The following DENND1A variants were observed in gnomAD, a reference collection of about 807,000 sequenced individuals.
DENND1A encodes the protein DENN domain containing 1A, also known as DENN domain-containing protein 1A.
Under a neutral mutation model 113.7 loss-of-function variants are expected in DENND1A, and 51 were observed. The observed-to-expected ratio is 0.45, with a 90% CI of 0.36 to 0.57. The LOEUF (loss-of-function observed/expected upper bound fraction) is 0.57, where lower values mean the gene tolerates loss of function less well. Ranked by LOEUF, DENND1A falls within the 20% of genes least tolerant of loss-of-function variation. The pLI is 0.00. For missense variants in DENND1A, 1,258 were observed against 1,395.9 expected (o/e 0.90, Z 1.57); for synonymous variants, 565 against 570.8 (o/e 0.99, Z 0.14).
chr9:123,658,179 G>T (rs1026154387), intron 8 of DENND1A, among the ~76,000 whole-genome samples: 1 of 151,532 alleles, frequency 6.6e-6, no homozygotes, highest in Non-Finnish European at 1.5e-5. Flanking sequence ...TGCTTTCCTC[G>T]CATCATTAAC....
intron 1 of DENND1A, among the ~76,000 whole-genome samples, chr9:123,883,818 A>G (rs1156812580): frequency 6.6e-6 from 1 of 151,376 alleles, no homozygotes; most frequent in African/African-American, 2.4e-5. Flanking sequence ...CAGTTCAAAC[A>G]GCTGGTAGAG....
intron 2 of DENND1A, among the ~76,000 whole-genome samples, chr9:123,794,527 G>A (rs978275704): frequency 1.3e-5 from 2 of 152,104 alleles, no homozygotes; most frequent in African/African-American, 2.4e-5. Flanking sequence ...CATGCCAATC[G>A]TTACTATCAT....
At chr9:123,627,870 G>A (rs529806400) in intron 10 of DENND1A, among the ~76,000 whole-genome samples, 2 of 152,266 alleles carry the variant, frequency 1.3e-5, no homozygotes, top group African/African-American at 4.8e-5. Flanking sequence ...GACGGTTAAT[G>A]ACACAGGTGT....
intron 1 of DENND1A, among the ~76,000 whole-genome samples, chr9:123,884,988 AGC>A (rs201018070): frequency 1.5e-4 from 20 of 136,418 alleles, no homozygotes; most frequent in Admixed American, 2.9e-4. Flanking sequence ...CTGACCTGCG[AGC>A]GCGCGCGCAC....
At position 123,381,527 on chromosome 9, in the gene DENND1A, G is replaced by A; in HGVS notation, c.3118C>T (p.Gln1040Ter). The stretch of plus-strand genomic sequence containing the variant: ...GGGCTCACGTCTTGCTTGGTTTTCT[G>A]TAACAAATCCTCAAAGGGGTCTCTG... ...QARDPFEDLL[Q>*]KTKQDVSPSP... The change falls in exon 24 of 24, where the codon CAG (glutamine) becomes TAG (stop). Residue 1040 changes from glutamine (Q) to a stop codon, truncating the protein, a stop_gained. Transcript: ENST00000394215. LOFTEE classifies it high-confidence loss of function. The surrounding 1 kb of genome is among the most constrained non-coding windows in gnomAD (Gnocchi z 4.7). The A allele has an allele frequency of 1.2e-6, 2 of 1,613,782 alleles. No homozygotes were observed. The highest frequency in any genetic ancestry group is 1.7e-6 in the Non-Finnish European group (2 of 1,179,994).
intron 2 of DENND1A, among the ~76,000 whole-genome samples, chr9:123,806,840 C>A (rs533277706): frequency 2.6e-5 from 4 of 152,150 alleles, no homozygotes; most frequent in Non-Finnish European, 5.9e-5. Flanking sequence ...GGAGTAATAC[C>A]CTTTCTTCTC....
chr9:123,453,545 A>G (rs917614240), intron 16 of DENND1A, among the ~76,000 whole-genome samples: 3 of 152,100 alleles, frequency 2.0e-5, no homozygotes, highest in Non-Finnish European at 4.4e-5. Context: ...AAGGGCCCGG[A>G]ATGCCAGGCT....
intron 2 of DENND1A, among the ~76,000 whole-genome samples, chr9:123,847,247 G>A (rs145543741): frequency 1.1e-4 from 17 of 151,346 alleles, no homozygotes; most frequent in African/African-American, 2.9e-4. Flanking sequence ...GAAACAGATT[G>A]AAAACACACA....
chr9:123,881,228 G>T (rs1390830554), intron 1 of DENND1A, among the ~76,000 whole-genome samples: 1 of 152,112 alleles, frequency 6.6e-6, no homozygotes, highest in East Asian at 1.9e-4. Flanking sequence ...AAATTGTTGT[G>T]CTCTTTTTTC....
chr9:123,653,410 A>G (rs6415840), intron 8 of DENND1A, among the ~76,000 whole-genome samples: 76,422 of 152,084 alleles, frequency 0.5, 22,125 homozygotes, highest in African/African-American at 0.81. Context: ...AGCAACTGGC[A>G]AAGTCAGATC....
Position 123,902,174 on chromosome 9 carries a change from T to TACACACACACAC in DENND1A, c.18-23165_18-23154dup, listed in dbSNP as rs9299289. ...TATACTCATGGGTCACACACACACATACACACACACACACACACACACACA... is the reference window on the plus strand; with the variant it reads ...TATACTCATGGGTCACACACACACATACACACACACACACACACACACACACACACACACACA... On this transcript the variant is annotated intron_variant, in intron 1 of 23. Transcript: ENST00000394215. Among the ~76,000 whole-genome samples, 248 of 132,152 alleles carry TACACACACACAC rather than the reference T, an allele frequency of 1.9e-3. 2 individuals are homozygous for TACACACACACAC. Among genetic ancestry groups the TACACACACACAC allele is most frequent in the South Asian group, 0.011 (47 of 4,162 alleles). The allele number at this position is 132,152 out of a possible 152,430, so 86.7% of individuals were successfully genotyped here. A position where few individuals can be genotyped will look rare whatever the true frequency, so the allele number is the denominator to read the frequency against.
At chr9:123,388,041 C>T (rs1453121597) in intron 21 of DENND1A, among the ~76,000 whole-genome samples, 183 bp from the exon 22 acceptor site, 4 of 152,170 alleles carry the variant, frequency 2.6e-5, no homozygotes, top group South Asian at 2.1e-4. Flanking sequence ...AAATTTGCCA[C>T]GTGTCCAGAG....
At chr9:123,406,198 G>C (rs1004362045) in intron 20 of DENND1A, among the ~76,000 whole-genome samples, 4 of 152,242 alleles carry the variant, frequency 2.6e-5, no homozygotes, top group Admixed American at 6.5e-5. Context: ...GCGCACGTCT[G>C]ATCTAACCAA....
chr9:123,853,161 G>A (rs1289686097), intron 2 of DENND1A, among the ~76,000 whole-genome samples: 2 of 150,330 alleles, frequency 1.3e-5, no homozygotes, highest in South Asian at 2.1e-4. Flanking sequence ...CTCATGATCC[G>A]CCGGTCTCAG....
chr9:123,878,877 A>G (rs1242812101), intron 2 of DENND1A, 74 bp downstream of exon 2: 4 of 1,443,226 alleles, frequency 2.8e-6, no homozygotes, highest in African/African-American at 1.4e-5. Context: ...ACTCATATTC[A>G]CATATTATCT....
chr9:123,875,331 G>A (rs1847289140), intron 2 of DENND1A, among the ~76,000 whole-genome samples: 1 of 152,064 alleles, frequency 6.6e-6, no homozygotes, highest in African/African-American at 2.4e-5. Flanking sequence ...CATTTACAGG[G>A]CTTAGGCAAG....
chr9:123,466,981 G>A (rs1026482775), intron 13 of DENND1A, among the ~76,000 whole-genome samples: 8 of 152,078 alleles, frequency 5.3e-5, no homozygotes, highest in African/African-American at 1.2e-4. Flanking sequence ...AGCCCAGGGC[G>A]TCAAGCCTGC....
At chr9:123,606,932 C>T (rs902282224) in intron 11 of DENND1A, among the ~76,000 whole-genome samples, 6 of 152,184 alleles carry the variant, frequency 3.9e-5, no homozygotes, top group Admixed American at 6.5e-5. Context: ...TGGAGAAGGG[C>T]AGGGCTGATG....
At chr9:123,420,829 G>A (rs887633271) in intron 19 of DENND1A, among the ~76,000 whole-genome samples, 6 of 149,120 alleles carry the variant, frequency 4.0e-5, no homozygotes, top group African/African-American at 1.2e-4. Context: ...TGGGGGCCGG[G>A]TGACCCTAGC....
Sources: allele counts gnomAD v4.1 joint callset (sites outside exome capture counted in the v4.1 genomes callset), GRCh38; gene constraint gnomAD v4.1.1; non-coding constraint Gnocchi (gnomAD v3.1); transcripts MANE v1.5; gene names NCBI Gene and HGNC (gene_info 2026-07-23, HGNC 2026-07-21).